Variants in ZPBP observed in about 807,000 individuals in gnomAD.
ZPBP encodes zona pellucida binding protein, also known as zona pellucida-binding protein 1.
A neutral mutation model predicts 44.8 loss-of-function variants in ZPBP; 26 were observed. The observed-to-expected ratio is 0.58, with a 90% CI of 0.43 to 0.81. The LOEUF is 0.81. Ranked by LOEUF, ZPBP falls within the 30% of genes least tolerant of loss-of-function variation. ZPBP has a pLI of 0.00. For synonymous variants in ZPBP, 174 were observed against 153.2 expected (o/e 1.14, Z -1.00); for missense variants, 409 against 434.0 (o/e 0.94, Z 0.51).
intron 2 of ZPBP, among the ~76,000 whole-genome samples, chr7:49,893,582 C>T (rs1028366117): frequency 4.6e-5 from 7 of 151,142 alleles, no homozygotes; most frequent in African/African-American, 1.7e-4. Flanking sequence ...ACAAACACAT[C>T]AACATATTTT....
chr7:50,007,671 T>C (rs1798366993), intron 6 of ZPBP, among the ~76,000 whole-genome samples: 1 of 152,010 alleles, frequency 6.6e-6, no homozygotes, highest in Non-Finnish European at 1.5e-5. Context: ...AAAGAATGAT[T>C]GTACACCATG....
chr7:49,902,796 T>G (rs1275717233), intron 1 of ZPBP, among the ~76,000 whole-genome samples: 11 of 152,042 alleles, frequency 7.2e-5, no homozygotes, highest in Non-Finnish European at 1.6e-4. Flanking sequence ...AAATATAAAT[T>G]TTTTCTTTTA....
chr7:49,991,203 T>C (rs775988200), intron 6 of ZPBP, among the ~76,000 whole-genome samples: 3 of 152,116 alleles, frequency 2.0e-5, no homozygotes, highest in Admixed American at 6.6e-5. Flanking sequence ...AGGAAAGGGA[T>C]TATTTTGATG....
chr7:50,046,307 T>C (rs542229298), intron 4 of ZPBP, among the ~76,000 whole-genome samples: 1 of 152,242 alleles, frequency 6.6e-6, no homozygotes, highest in Admixed American at 6.5e-5. Context: ...GGGATTTAAT[T>C]TAACTAAAGA....
intron 6 of ZPBP, among the ~76,000 whole-genome samples, chr7:49,999,049 C>T (rs1797983045): frequency 6.6e-6 from 1 of 151,934 alleles, no homozygotes. Flanking sequence ...GAATGCTGAA[C>T]TGGTAATTTT....
intron 3 of ZPBP, among the ~76,000 whole-genome samples, chr7:50,073,666 C>T (rs1162078038): frequency 6.6e-6 from 1 of 152,022 alleles, no homozygotes; most frequent in Non-Finnish European, 1.5e-5. Flanking sequence ...AAAGAAAAAA[C>T]AAATAACATA....
At chr7:49,952,659 G>C (rs189818282) in intron 7 of ZPBP, among the ~76,000 whole-genome samples, 79 of 152,042 alleles carry the variant, frequency 5.2e-4, no homozygotes, top group African/African-American at 1.9e-3. Context: ...GAAGAGAATG[G>C]AGCAATGGTT....
At chr7:49,935,200 A>G (rs941891163), downstream of ZPBP, among the ~76,000 whole-genome samples, 5 of 152,174 alleles carry the variant, frequency 3.3e-5, no homozygotes, top group Admixed American at 3.3e-4. Context: ...TAAGGATATA[A>G]CTGTGTGCTA....
At chr7:49,990,600 T>C (rs1797525944) in intron 6 of ZPBP, among the ~76,000 whole-genome samples, 1 of 139,018 alleles carries the variant, frequency 7.2e-6, no homozygotes, top group African/African-American at 2.9e-5. Flanking sequence ...AAAAGCTTTA[T>C]AGAGGGATTA....
chr7:49,875,394 A>C (rs1352731252), intron 2 of ZPBP, among the ~76,000 whole-genome samples: 1 of 150,320 alleles, frequency 6.7e-6, no homozygotes, highest in Non-Finnish European at 1.5e-5. Flanking sequence ...AAAAAAAAAA[A>C]AAACAGGAAT....
chr7:49,943,030 C>A (rs1794954088), intron 7 of ZPBP: 2 of 282,606 alleles, frequency 7.1e-6, no homozygotes, highest in African/African-American at 2.2e-5. Context: ...GCTGGGGGGC[C>A]ACAGGTGACT....
downstream of ZPBP, among the ~76,000 whole-genome samples, chr7:49,845,745 CA>C (rs370102282): frequency 3.3e-5 from 5 of 152,176 alleles, no homozygotes; most frequent in African/African-American, 1.2e-4. Flanking sequence ...CTTCCCAGTA[CA>C]AAACAGACAT....
intron 6 of ZPBP, among the ~76,000 whole-genome samples, chr7:49,992,029 G>C (rs1391621362): frequency 2.0e-5 from 3 of 152,084 alleles, no homozygotes. Context: ...CGATAGCTAT[G>C]TCCCTAATTC....
At chr7:50,016,206 T>C (rs1228625142) in intron 6 of ZPBP, among the ~76,000 whole-genome samples, 1 of 152,176 alleles carries the variant, frequency 6.6e-6, no homozygotes, top group Non-Finnish European at 1.5e-5. Context: ...GTGGTACCTA[T>C]ACACCATGGA....
At chr7:49,896,881 A>ATT (rs36066373) in intron 2 of ZPBP, among the ~76,000 whole-genome samples, 115 of 95,032 alleles carry the variant, frequency 1.2e-3, no homozygotes, top group Non-Finnish European at 1.5e-3. Flanking sequence ...TGGATTGATA[A>ATT]TTTTTTTTTT....
At chr7:49,938,547 G>T (rs1011837472) in intron 7 of ZPBP, among the ~76,000 whole-genome samples, 1 of 152,114 alleles carries the variant, frequency 6.6e-6, no homozygotes, top group African/African-American at 2.4e-5. Context: ...TAACATTAAT[G>T]TATTAAAAAA....
At chr7:50,028,972 G>A (rs1799466140) in intron 5 of ZPBP, among the ~76,000 whole-genome samples, 1 of 152,086 alleles carries the variant, frequency 6.6e-6, no homozygotes, top group Non-Finnish European at 1.5e-5. Context: ...GGTAATTTTT[G>A]TCAGAAACGG....
chr7:49,955,425 T>C (rs1389012665), intron 7 of ZPBP, among the ~76,000 whole-genome samples: 1 of 151,954 alleles, frequency 6.6e-6, no homozygotes, highest in African/African-American at 2.4e-5. Context: ...GGTGTGCTGG[T>C]GTGTGCCTTT....
intron 2 of ZPBP, among the ~76,000 whole-genome samples, chr7:49,900,377 G>A (rs1395306849): frequency 6.6e-6 from 1 of 151,610 alleles, no homozygotes; most frequent in Non-Finnish European, 1.5e-5. Flanking sequence ...TAAAACAAAA[G>A]CTTGTTTATT....
Sources: allele counts gnomAD v4.1 joint callset (sites outside exome capture counted in the v4.1 genomes callset), GRCh38; gene constraint gnomAD v4.1.1; transcripts MANE v1.5; gene names NCBI Gene and HGNC (gene_info 2026-07-23, HGNC 2026-07-21).